IL1RN: variants seen among roughly 807,000 people sequenced by gnomAD.
IL1RN encodes interleukin 1 receptor antagonist.
Under a neutral mutation model 13.7 loss-of-function variants are expected in IL1RN, and 10 were observed. The observed-to-expected ratio is 0.73, with a 90% CI of 0.45 to 1.24. The LOEUF is 1.24. Among genes scored for constraint, IL1RN ranks in the 50% most tolerant of loss-of-function variants. The pLI, the probability that IL1RN is intolerant of heterozygous loss-of-function variation, is 0.00. For synonymous variants in IL1RN, 102 were observed against 82.7 expected, an observed-to-expected ratio of 1.23 and a Z score of -1.27; for missense variants, 213 against 222.1, an observed-to-expected ratio of 0.96 and a Z score of 0.26.
upstream of IL1RN, among the ~76,000 whole-genome samples, chr2:113,126,512 A>G (rs191108178): frequency 6.6e-6 from 1 of 152,346 alleles, no homozygotes; most frequent in African/African-American, 2.4e-5. Flanking sequence ...TAGATCATGC[A>G]GAAATTCTCT....
upstream of IL1RN, among the ~76,000 whole-genome samples, chr2:113,105,124 G>A (rs902236710): frequency 2.6e-5 from 4 of 152,198 alleles, 1 homozygote; most frequent in Admixed American, 2.6e-4. Flanking sequence ...GGGTGGATGA[G>A]TTTCTGGCTA....
intron 2 of IL1RN, chr2:113,129,866 G>C: frequency 1.7e-6 from 1 of 587,224 alleles, no homozygotes; most frequent in East Asian, 3.0e-5. Flanking sequence ...TGGAGAGGTA[G>C]AGTCTAGGTC....
At chr2:113,117,956 C>T in exon 1 of IL1RN, 3 of 990,670 alleles carry the variant, frequency 3.0e-6, no homozygotes, top group Non-Finnish European at 4.9e-6. Context: ...TTATGGGCAG[C>T]AGCTCAGTTG....
rs1687219981 is a variant in IL1RN at position 113,132,791 on chromosome 2, G to A, written c.454G>A (p.Ala152Thr). 1.2e-6 allele frequency: 2 copies of A among 1,614,262 alleles called. No homozygotes were observed. The highest frequency in any genetic ancestry group is 1.7e-6 in the Non-Finnish European group (2 of 1,180,050). Residue 152 changes from alanine to threonine, a missense_variant, in exon 4 of 4, where the codon GCT (alanine) becomes ACT (threonine). Physicochemically the swap from Ala to Thr is moderately conservative, Grantham distance 58. Coordinates refer to ENST00000409930, the MANE Select transcript of IL1RN (RefSeq NM_173842.3). The part of the protein sequence containing the change: ...PGWFLCTAME[A>T]DQPVSLTNMP... ...TTGGTTCCTCTGCACAGCGATGGAA[G>A]CTGACCAGCCCGTCAGCCTCACCAA... is the stretch of plus-strand genomic sequence containing the variant.
At chr2:113,131,875 C>T (rs1168041993) in intron 3 of IL1RN, among the ~76,000 whole-genome samples, 1 of 152,128 alleles carries the variant, frequency 6.6e-6, no homozygotes, top group Non-Finnish European at 1.5e-5. Flanking sequence ...TGTGAGTGGC[C>T]ATACTGTGGC....
chr2:113,123,646 AAT>A (rs2104444657), upstream of IL1RN, among the ~76,000 whole-genome samples: 1 of 152,330 alleles, frequency 6.6e-6, no homozygotes, highest in South Asian at 2.1e-4. Flanking sequence ...TACTGTGCTT[AAT>A]ATATAGTATT....
At chr2:113,117,063 G>T (rs1448871800), upstream of IL1RN, among the ~76,000 whole-genome samples, 1 of 152,224 alleles carries the variant, frequency 6.6e-6, no homozygotes, top group Non-Finnish European at 1.5e-5. Flanking sequence ...TTTGTGAGTT[G>T]TCTGCTCCCT....
chr2:113,123,904 G>A (rs1056175706), upstream of IL1RN, among the ~76,000 whole-genome samples: 1 of 152,224 alleles, frequency 6.6e-6, no homozygotes, highest in Non-Finnish European at 1.5e-5. Context: ...ATTAACCGAT[G>A]TTGAGAAATA....
upstream of IL1RN, among the ~76,000 whole-genome samples, chr2:113,127,148 T>C (rs949301806): frequency 6.6e-6 from 1 of 152,208 alleles, no homozygotes; most frequent in African/African-American, 2.4e-5. Context: ...TGTTTGCCAA[T>C]CTATGGTCCG....
At position 113,127,745 on chromosome 2, in the gene IL1RN, G is replaced by A. The variant is rs4252004; in HGVS notation, c.116+5G>A. 2.4e-3 allele frequency: 3,900 copies of A among 1,613,490 alleles called. 102 individuals carry two copies. In the African/African-American group the frequency reaches 0.047, roughly 20 times the overall value. ...CAGCAAGATGCAAGCCTTCAGGTAA[G>A]GCTACCCCAAGGAGGAGAAGGTGAG... On this transcript the variant is annotated splice_donor_5th_base_variant and intron_variant, in intron 1 of 3. Transcript: ENST00000409930.
upstream of IL1RN, among the ~76,000 whole-genome samples, chr2:113,106,429 G>T (rs1304043279): frequency 1.3e-5 from 2 of 152,154 alleles, no homozygotes; most frequent in African/African-American, 4.8e-5. Flanking sequence ...ATTTAAATGG[G>T]TTGATAGATC....
At chr2:113,120,439 G>A (rs184099838) in intron 2 of IL1RN, among the ~76,000 whole-genome samples, 2 of 152,092 alleles carry the variant, frequency 1.3e-5, no homozygotes, top group East Asian at 1.9e-4. Context: ...ACACTGGCAG[G>A]GTACAATTAT....
intron 1 of IL1RN, chr2:113,112,857 G>A (rs1686524063): frequency 6.6e-6 from 1 of 152,192 alleles, no homozygotes; most frequent in Non-Finnish European, 1.5e-5. Context: ...TACTGCACTT[G>A]GCACACAGTG....
At chr2:113,099,658 C>A in the IL1RN span, among the ~76,000 whole-genome samples, 1 of 149,768 alleles carries the variant, frequency 6.7e-6, no homozygotes, top group African/African-American at 2.5e-5. Flanking sequence ...CTCTGTTCAT[C>A]TGAGTGGGAG....
chr2:113,128,986 G>C lies in IL1RN; in HGVS notation c.117-590G>C, dbSNP rs147510199. ...CTGAGCAGGTCACCAGCTAATGGAG[G>C]AAAGGCTCTAGGGAAAGACCCTTCT... On this transcript the variant is annotated intron_variant, in intron 1 of 3. Transcript: ENST00000409930. Among the ~76,000 whole-genome samples the C allele has an allele frequency of 2.5e-4, 38 of 152,352 alleles. No homozygotes were observed. The East Asian group carries it at 6.8e-3, about 27-fold the overall frequency.
upstream of IL1RN, among the ~76,000 whole-genome samples, chr2:113,113,845 A>G (rs562905754): frequency 8.5e-5 from 13 of 152,344 alleles, no homozygotes; most frequent in African/African-American, 1.4e-4. Context: ...TCACACATGC[A>G]TTACTGAACC....
chr2:113,105,210 A>G (rs962688107), upstream of IL1RN, among the ~76,000 whole-genome samples: 21 of 152,208 alleles, frequency 1.4e-4, no homozygotes, highest in African/African-American at 5.1e-4. Flanking sequence ...AAGAGTGAGT[A>G]CTAGACTGAT....
At chr2:113,116,027 C>G (rs993702618), upstream of IL1RN, among the ~76,000 whole-genome samples, 24 of 152,314 alleles carry the variant, frequency 1.6e-4, no homozygotes, top group African/African-American at 5.5e-4. Flanking sequence ...AACCACATGC[C>G]AAGCACTTTA....
At chr2:113,122,267 T>C (rs954350517) in intron 2 of IL1RN, among the ~76,000 whole-genome samples, 3 of 152,156 alleles carry the variant, frequency 2.0e-5, no homozygotes, top group African/African-American at 7.2e-5. Context: ...ACAAACTAGA[T>C]TTATCAGTAA....
Sources: gnomAD v4.1 joint callset for allele counts (sites outside exome capture counted in the v4.1 genomes callset) on GRCh38, gnomAD v4.1.1 for gene constraint, MANE v1.5 for transcripts, NCBI Gene and HGNC (gene_info 2026-07-23, HGNC 2026-07-21) for gene names.